The following LRRC4C variants were observed in gnomAD, a reference collection of about 807,000 sequenced individuals.
LRRC4C encodes the protein leucine rich repeat containing 4C.
Under a neutral mutation model 33.6 loss-of-function variants are expected in LRRC4C, and 5 were observed. The ratio of observed to expected loss-of-function variants is 0.15; its 90% CI spans 0.08 to 0.31. LRRC4C has a LOEUF of 0.31. LRRC4C is among the 10% of genes least tolerant of loss of function. LRRC4C has a pLI of 1.00. For missense variants in LRRC4C, 560 were observed against 796.7 expected (o/e 0.70, Z 3.58); for synonymous variants, 329 against 302.0 (o/e 1.09, Z -0.93).
chr11:40,366,627 C>A (rs1565318425), intron 3 of LRRC4C, among the ~76,000 whole-genome samples: 1 of 151,850 alleles, frequency 6.6e-6, no homozygotes, highest in Admixed American at 6.6e-5. Context: ...TGTGTGTATT[C>A]TCATAAACTG....
chr11:40,329,816 G>C (rs145906098), intron 3 of LRRC4C, among the ~76,000 whole-genome samples: 1 of 144,862 alleles, frequency 6.9e-6, no homozygotes, highest in Admixed American at 7.1e-5. Context: ...GTCTTGGCTC[G>C]CTGCAACATC....
intron 3 of LRRC4C, among the ~76,000 whole-genome samples, chr11:40,625,450 T>C (rs541614456): frequency 6.6e-6 from 1 of 152,240 alleles, no homozygotes; most frequent in East Asian, 1.9e-4. Context: ...GGAACTGCTC[T>C]TTTAAAACCA....
At chr11:40,292,033 T>C (rs980776804) in intron 4 of LRRC4C, among the ~76,000 whole-genome samples, 2 of 151,538 alleles carry the variant, frequency 1.3e-5, no homozygotes, top group Middle Eastern at 3.4e-3. Flanking sequence ...CAGAGACTGA[T>C]GAAGCAAATG....
chr11:40,526,299 G>A (rs1956046780), intron 3 of LRRC4C, among the ~76,000 whole-genome samples: 1 of 152,024 alleles, frequency 6.6e-6, no homozygotes, highest in South Asian at 2.1e-4. Flanking sequence ...GGAAGAGCAA[G>A]GATTGAAAAA....
At chr11:40,641,637 C>T (rs184889668) in intron 3 of LRRC4C, among the ~76,000 whole-genome samples, 2 of 152,238 alleles carry the variant, frequency 1.3e-5, no homozygotes. Flanking sequence ...CTGTTATGAG[C>T]AGAGACCTCT....
intron 3 of LRRC4C, among the ~76,000 whole-genome samples, chr11:40,403,409 T>C (rs1202877023): frequency 2.0e-5 from 3 of 152,170 alleles, no homozygotes; most frequent in African/African-American, 7.2e-5. Context: ...TTTCTCCAAG[T>C]TGTGCAAAAT....
chr11:40,386,213 T>G (rs1271310617), intron 3 of LRRC4C, among the ~76,000 whole-genome samples: 1 of 152,162 alleles, frequency 6.6e-6, no homozygotes, highest in Non-Finnish European at 1.5e-5. Flanking sequence ...CCATAAATAA[T>G]CATGTCCAAA....
chr11:40,730,240 C>G (rs1266514045), intron 2 of LRRC4C, among the ~76,000 whole-genome samples: 1 of 152,000 alleles, frequency 6.6e-6, no homozygotes, highest in Non-Finnish European at 1.5e-5. Flanking sequence ...TACCCTAAAA[C>G]TTAAAGTATA....
intron 1 of LRRC4C, among the ~76,000 whole-genome samples, chr11:41,147,624 A>G (rs1943785787): frequency 6.6e-6 from 1 of 152,214 alleles, no homozygotes; most frequent in African/African-American, 2.4e-5. Flanking sequence ...ATATGTTAAT[A>G]TATGTATGCA....
At chr11:41,118,845 C>T (rs1401855347) in intron 1 of LRRC4C, among the ~76,000 whole-genome samples, 1 of 152,076 alleles carries the variant, frequency 6.6e-6, no homozygotes, top group African/African-American at 2.4e-5. Flanking sequence ...CCATCAAGGG[C>T]ATTTTTCATT....
chr11:41,250,266 T>C (rs577849837), intron 1 of LRRC4C, among the ~76,000 whole-genome samples: 1 of 152,306 alleles, frequency 6.6e-6, no homozygotes, highest in African/African-American at 2.4e-5. Flanking sequence ...TCACAAAAGT[T>C]AGTGGAATCA....
At chr11:40,965,169 T>C (rs1851255297) in intron 1 of LRRC4C, among the ~76,000 whole-genome samples, 1 of 152,204 alleles carries the variant, frequency 6.6e-6, no homozygotes, top group South Asian at 2.1e-4. Flanking sequence ...AAATGTCTTC[T>C]TTTGAGAAGT....
intron 5 of LRRC4C, among the ~76,000 whole-genome samples, chr11:40,178,601 T>G (rs1590628904): frequency 6.6e-6 from 1 of 152,304 alleles, no homozygotes; most frequent in Admixed American, 6.5e-5. Flanking sequence ...ATATCCACTC[T>G]CTCCCTTCTC....
chr11:41,323,200 T>G (rs1951008934), intron 1 of LRRC4C, among the ~76,000 whole-genome samples: 1 of 152,162 alleles, frequency 6.6e-6, no homozygotes, highest in Non-Finnish European at 1.5e-5. Flanking sequence ...CCCAGTGAGC[T>G]GAACACCCCC....
chr11:40,792,735 C>G (rs1004256750), intron 2 of LRRC4C, among the ~76,000 whole-genome samples: 5 of 152,006 alleles, frequency 3.3e-5, no homozygotes, highest in African/African-American at 9.7e-5. Flanking sequence ...TTGGAACCAA[C>G]CCAAATGTCC....
At chr11:40,986,458 G>T (rs913624599) in intron 1 of LRRC4C, among the ~76,000 whole-genome samples, 1 of 152,110 alleles carries the variant, frequency 6.6e-6, no homozygotes, top group Admixed American at 6.5e-5. Context: ...TATTAGCTGG[G>T]TGTGGTGGGA....
intron 3 of LRRC4C, among the ~76,000 whole-genome samples, chr11:40,336,571 T>A (rs974676150): frequency 7.2e-5 from 11 of 152,134 alleles, no homozygotes; most frequent in Admixed American, 6.5e-4. Context: ...GCTGTTAAAA[T>A]TTCAAGGCTT....
chr11:40,631,972 T>G (rs1327498181), intron 3 of LRRC4C, among the ~76,000 whole-genome samples: 1 of 152,162 alleles, frequency 6.6e-6, no homozygotes, highest in Non-Finnish European at 1.5e-5. Flanking sequence ...GTTATGACAT[T>G]CACTTGAAGC....
chr11:40,210,916 G>T (rs1863553758), intron 5 of LRRC4C, among the ~76,000 whole-genome samples: 1 of 152,024 alleles, frequency 6.6e-6, no homozygotes, highest in Admixed American at 6.5e-5. Context: ...GGGATTACAG[G>T]TGCCTGCCAC....
Sources: allele counts gnomAD v4.1 joint callset (sites outside exome capture counted in the v4.1 genomes callset), GRCh38; gene constraint gnomAD v4.1.1; transcripts MANE v1.5; gene names NCBI Gene and HGNC (gene_info 2026-07-23, HGNC 2026-07-21).